Variants in ADGRB1 observed in about 807,000 individuals in gnomAD.
ADGRB1 encodes adhesion G protein-coupled receptor B1.
Under a neutral mutation model 175.7 loss-of-function variants are expected in ADGRB1, and 36 were observed. The ratio of observed to expected loss-of-function variants is 0.20; its 90% CI spans 0.16 to 0.27. The LOEUF is 0.27. ADGRB1 is among the 10% of genes least tolerant of loss of function. ADGRB1 has a pLI of 1.00. For missense variants in ADGRB1, 1,731 were observed against 2,255.3 expected (o/e 0.77, Z 4.71); for synonymous variants, 1,054 against 979.4 (o/e 1.08, Z -1.42).
rs374309834 is a variant in ADGRB1, at chr8:142,542,001, C to T, written c.3767C>T (p.Pro1256Leu). The T allele has an allele frequency of 4.5e-5, 72 of 1,593,946 alleles. 1 individual carries two copies. The highest frequency in any genetic ancestry group is 3.9e-4 in the East Asian group (17 of 43,384). Residue 1256 changes from proline to leucine, a missense_variant, in exon 28 of 31, where the codon CCG becomes CTG. Pro to Leu is a moderately conservative substitution (Grantham distance 98). Transcript: ENST00000517894. This position sits in a 1 kb window ranked among gnomAD's most constrained non-coding sequence, Gnocchi z 6.3. Reference sequence around the variant, plus strand: ...ACCATCACGGGCACACTGAAGCGGCCGTCTCTGCCCGAGGAGGAGAAGCTG... The same window carrying T: ...ACCATCACGGGCACACTGAAGCGGCTGTCTCTGCCCGAGGAGGAGAAGCTG... ...TATITGTLKR[P>L]SLPEEEKLKL...
At chr8:142,491,582 G>A (rs1025238046) in intron 17 of ADGRB1, among the ~76,000 whole-genome samples, 5 of 152,214 alleles carry the variant, frequency 3.3e-5, no homozygotes, top group African/African-American at 9.6e-5. Context: ...GATGGCGGCC[G>A]GGTCCCAACA....
chr8:142,515,181 A>G (rs1361760258), intron 18 of ADGRB1, among the ~76,000 whole-genome samples: 1 of 152,014 alleles, frequency 6.6e-6, no homozygotes, highest in Non-Finnish European at 1.5e-5. Context: ...CGGCGCCTGA[A>G]GGTCAGGGAA....
intron 17 of ADGRB1, among the ~76,000 whole-genome samples, chr8:142,505,550 C>T (rs1311136416): frequency 6.6e-6 from 1 of 152,138 alleles, no homozygotes; most frequent in Non-Finnish European, 1.5e-5. Flanking sequence ...CTGGGAGCTG[C>T]GGCCATTGCT....
intron 17 of ADGRB1, among the ~76,000 whole-genome samples, chr8:142,503,852 C>G (rs985459369): frequency 6.6e-6 from 1 of 152,160 alleles, no homozygotes; most frequent in African/African-American, 2.4e-5. Context: ...GGAGCCCTGA[C>G]TCAGTGTGGC....
Position 142,544,476 on chromosome 8 carries a change from C to T in ADGRB1, c.*59C>T. 7.1e-7 allele frequency: 1 copy of T among 1,413,028 alleles called. No homozygotes were observed. 87.5% of individuals were successfully genotyped at this position (1,413,028 alleles called of 1,614,324 possible). On this transcript the variant is annotated 3_prime_UTR_variant, in exon 31 of 31. Coordinates refer to ENST00000517894, the MANE Select transcript of ADGRB1 (RefSeq NM_001702.3). ...AGGAGGGATGCTGCTCCGCCCGCTC[C>T]TGCCGCAGACGGGCACAGACACGCT...
At chr8:142,458,861 G>A (rs1002442859) in intron 1 of ADGRB1, among the ~76,000 whole-genome samples, 2 of 152,240 alleles carry the variant, frequency 1.3e-5, no homozygotes, top group East Asian at 1.9e-4. Context: ...AGTGGGTAAC[G>A]GGAGCTGCTG....
At chr8:142,526,055 C>T (rs1365647585) in intron 23 of ADGRB1, among the ~76,000 whole-genome samples, 1 of 152,180 alleles carries the variant, frequency 6.6e-6, no homozygotes, top group Admixed American at 6.5e-5. Context: ...AGAAGAGCCT[C>T]CCTGGGTGCA....
chr8:142,465,131 G>A (rs867257042), intron 2 of ADGRB1, 149 bp downstream of exon 2: 95 of 1,008,608 alleles, frequency 9.4e-5, no homozygotes, highest in South Asian at 4.1e-4. Flanking sequence ...GGTGGACCGG[G>A]GTCTTCTTCC....
chr8:142,466,253 G>A (rs1840270849), intron 2 of ADGRB1, among the ~76,000 whole-genome samples: 1 of 152,184 alleles, frequency 6.6e-6, no homozygotes, highest in Non-Finnish European at 1.5e-5. Context: ...GTACCCAGGG[G>A]CCTTGACTTT....
intron 17 of ADGRB1, among the ~76,000 whole-genome samples, chr8:142,497,894 G>A (rs909925064): frequency 1.3e-5 from 2 of 152,168 alleles, no homozygotes; most frequent in Non-Finnish European, 1.5e-5. Flanking sequence ...GTAAGGTCAC[G>A]GCTGCGGGCA....
chr8:142,476,606 G>A lies in ADGRB1; in HGVS notation c.968G>A (p.Arg323Gln), dbSNP rs1462875468. Residue 323 changes from arginine to glutamine, a missense_variant, in exon 4 of 31, where the codon CGG becomes CAG. Physicochemically the swap from Arg to Gln is conservative, Grantham distance 43. This residue lies in a region of ADGRB1 where 178 missense variants were observed against 227.8 expected (regional missense o/e 0.78). Transcript: ENST00000517894. ...ACGPAGRTSS[R>Q]SQSLRSTDAR... ...GCAGCCGCTGGGCGCACCAGCTCCC[G>A]GAGCCAGTCCCTGCGGTCCACAGAT... 3.9e-6 allele frequency: 6 copies of A among 1,548,864 alleles called. No homozygotes were observed. The highest frequency in any genetic ancestry group is 2.4e-5 in the South Asian group (2 of 84,016).
At position 142,476,575 on chromosome 8, in the gene ADGRB1, C is replaced by T. The variant is rs576487870; in HGVS notation, c.947-10C>T. 31 of 1,548,080 alleles carry T rather than the reference C, an allele frequency of 2.0e-5. No homozygotes were observed. The South Asian group carries it at 2.9e-4, about 14-fold the overall frequency. On this transcript the variant is annotated splice_polypyrimidine_tract_variant and intron_variant, in intron 3 of 30. Transcript: ENST00000517894. The stretch of plus-strand genomic sequence containing the variant: ...AACCGCTCCTGTGCTGACCTAAGCC[C>T]GTCCTGCAGCCGCTGGGCGCACCAG...
Position 142,475,580 on chromosome 8 carries a change from C to A in ADGRB1, c.891C>A (p.Gly297=), listed in dbSNP as rs1840914937. ...TGCCCGCGCCGGGCGTGGAGGGCGG[C>A]GGCTGCGAGGGGGTGCTGGAGGAGG... ...TCLPAPGVEG[G]GCEGVLEEGR... The change falls in exon 3 of 31, where the codon GGC becomes GGA. Residue 297 remains glycine (G), a synonymous_variant. Coordinates refer to ENST00000517894, the MANE Select transcript of ADGRB1 (RefSeq NM_001702.3). 7.9e-7 allele frequency: 1 copy of A among 1,259,474 alleles called. No individual in the cohort carries two copies. The highest frequency in any genetic ancestry group is 1.0e-6 in the Non-Finnish European group (1 of 1,002,692). The allele number at this position is 1,259,474 out of a possible 1,614,324, so 78.0% of individuals were successfully genotyped here.
chr8:142,464,738 C>T lies in ADGRB1; in HGVS notation c.540C>T (p.Asn180=). Residue 180 remains asparagine, a synonymous_variant, in exon 2 of 31, where the codon AAC becomes AAT. Transcript: ENST00000517894. The part of the protein sequence containing the change: ...SVEYLVVGNR[N]PSRAACQMLC... ...AGTACCTGGTGGTGGGGAACCGCAACCCCAGCCGTGCCGCCTGCCAGATGC... is the reference window on the plus strand; with the variant it reads ...AGTACCTGGTGGTGGGGAACCGCAATCCCAGCCGTGCCGCCTGCCAGATGC... 1 of 1,534,316 alleles carries T rather than the reference C, an allele frequency of 6.5e-7. No individual in the cohort carries two copies. The highest frequency in any genetic ancestry group is 8.7e-7 in the Non-Finnish European group (1 of 1,145,656).
intron 17 of ADGRB1, among the ~76,000 whole-genome samples, chr8:142,495,348 CAG>C (rs558207655): frequency 1.9e-3 from 287 of 151,952 alleles, no homozygotes; most frequent in African/African-American, 2.3e-3. Flanking sequence ...AGGCTAGAGA[CAG>C]GGGTGGATGG....
chr8:142,518,100 G>T (rs1843553140), intron 18 of ADGRB1, 38 bp from the exon 19 acceptor site: 1 of 1,597,488 alleles, frequency 6.3e-7, no homozygotes, highest in Non-Finnish European at 8.6e-7. Flanking sequence ...GGCGAGTGGG[G>T]TGCCTCACTC....
At chr8:142,536,328 T>C (rs1160788723) in intron 25 of ADGRB1, among the ~76,000 whole-genome samples, 1 of 152,126 alleles carries the variant, frequency 6.6e-6, no homozygotes, top group African/African-American at 2.4e-5. Flanking sequence ...TTGGCATTCG[T>C]AGATGATGTC....
chr8:142,474,223 G>A lies in ADGRB1; in HGVS notation c.785-1251G>A, dbSNP rs550200127. Among the ~76,000 whole-genome samples the A allele has an allele frequency of 3.2e-3, 494 of 152,140 alleles. 2 individuals carry two copies. Among genetic ancestry groups the A allele is most frequent in the African/African-American group, 0.011 (462 of 41,506 alleles). ...GGCCCTGGGGCCCTTCTGGTGGGTC[G>A]GGGTGGCCTGTGCTTGGCCTGATTG... On this transcript the variant is annotated intron_variant, in intron 2 of 30. Transcript: ENST00000517894. The surrounding 1 kb of genome is among the most constrained non-coding windows in gnomAD (Gnocchi z 5.8).
At position 142,533,481 on chromosome 8, in the gene ADGRB1, C is replaced by T. The variant is rs764153719; in HGVS notation, c.3570+15C>T. ...TCCGTAGAGAGGTGGGTGAGGCAGC[C>T]TCTGTCGGGCCGGGCTCCTGCGGGG... On this transcript the variant is annotated intron_variant, in intron 25 of 30. Coordinates refer to ENST00000517894, the MANE Select transcript of ADGRB1 (RefSeq NM_001702.3). 7.0e-6 allele frequency: 11 copies of T among 1,578,410 alleles called. No individual in the cohort carries two copies. In the East Asian group the frequency reaches 2.3e-4, roughly 33 times the overall value.
Sources: allele counts gnomAD v4.1 joint callset (sites outside exome capture counted in the v4.1 genomes callset), GRCh38; gene constraint gnomAD v4.1.1; regional missense constraint gnomAD v4.1.1; non-coding constraint Gnocchi (gnomAD v3.1); transcripts MANE v1.5; gene names NCBI Gene and HGNC (gene_info 2026-07-23, HGNC 2026-07-21).